PDE6C: variants seen among roughly 807,000 people sequenced by gnomAD.
The protein encoded by PDE6C is phosphodiesterase 6C.
In PDE6C, 75 loss-of-function variants were observed where a neutral mutation model predicts 113.1. That is an observed-to-expected ratio of 0.66 (90% CI 0.55 to 0.80). PDE6C has a LOEUF of 0.80. PDE6C is among the 30% of genes least tolerant of loss of function. The probability of loss-of-function intolerance (pLI) is 0.00; values close to 1 mark genes in which losing one functional copy is unlikely to be tolerated. For synonymous variants in PDE6C, 375 were observed against 363.7 expected, an observed-to-expected ratio of 1.03 and a Z score of -0.35; for missense variants, 912 against 1,038.6, an observed-to-expected ratio of 0.88 and a Z score of 1.67.
intron 4 of PDE6C, among the ~76,000 whole-genome samples, chr10:93,622,639 G>GTTTTTTTTTGTTTTTTTTTTTTTTTTTT (rs2058452335): frequency 8.8e-6 from 1 of 113,992 alleles, no homozygotes; most frequent in African/African-American, 3.7e-5. Flanking sequence ...GTAGCCACAG[G>GTTTTTTTTTGTTTTTTTTTTTTTTTTTT]TTTTTTTTTT....
intron 18 of PDE6C, among the ~76,000 whole-genome samples, chr10:93,659,641 T>C (rs2058656903): frequency 6.6e-6 from 1 of 152,164 alleles, no homozygotes; most frequent in Non-Finnish European, 1.5e-5. Flanking sequence ...CTCCCCTTTA[T>C]AAAACCATCA....
At chr10:93,636,395 T>TGTGTG (rs1554890077) in intron 10 of PDE6C, among the ~76,000 whole-genome samples, 94 of 148,638 alleles carry the variant, frequency 6.3e-4, no homozygotes, top group African/African-American at 2.3e-3. Context: ...TGTGTGTGTG[T>TGTGTG]GTGTGTGTGT....
intron 15 of PDE6C, among the ~76,000 whole-genome samples, chr10:93,654,363 G>C (rs1189526647): frequency 6.6e-6 from 1 of 152,224 alleles, no homozygotes; most frequent in Non-Finnish European, 1.5e-5. Flanking sequence ...CTGGAACCAT[G>C]CTGCACTGGC....
intron 7 of PDE6C, among the ~76,000 whole-genome samples, 167 bp downstream of exon 7, chr10:93,627,038 G>A (rs189934266): frequency 9.2e-5 from 14 of 152,160 alleles, no homozygotes; most frequent in African/African-American, 3.1e-4. Context: ...TGAGGCGGGC[G>A]AATCATCTGA....
chr10:93,629,854 A>G (rs1421912880), intron 8 of PDE6C, among the ~76,000 whole-genome samples: 3 of 152,104 alleles, frequency 2.0e-5, no homozygotes, highest in Non-Finnish European at 2.9e-5. Context: ...GTTTCACCCG[A>G]GTACCCACTG....
intron 9 of PDE6C, among the ~76,000 whole-genome samples, chr10:93,635,111 T>A (rs1041243152): frequency 6.6e-6 from 1 of 152,232 alleles, no homozygotes; most frequent in African/African-American, 2.4e-5. Flanking sequence ...TATAAAATTT[T>A]AGCTTAACCA....
intron 18 of PDE6C, 81 bp downstream of exon 18, chr10:93,659,248 A>C: frequency 1.4e-4 from 128 of 937,336 alleles, no homozygotes; most frequent in Non-Finnish European, 2.1e-4. Flanking sequence ...TAAAGATCTC[A>C]GGCAACCTCA....
chr10:93,635,573 A>T lies in PDE6C; in HGVS notation c.1346A>T (p.Lys449Met), dbSNP rs752525221. ...YDKMNKLENR[K>M]DIAQEMLMNQ... ...AAGATGAATAAGCTAGAAAACAGAA[A>T]GGACATTGCTCAGGAAATGCTCATG... Residue 449 changes from lysine (K) to methionine (M), a missense_variant, in exon 10 of 22, where the codon AAG becomes ATG. By Grantham distance (95) the Lys-to-Met change is moderately conservative (BLOSUM62 -1). Coordinates refer to ENST00000371447, the MANE Select transcript of PDE6C (RefSeq NM_006204.4). 1 of 1,613,818 alleles carries T rather than the reference A, an allele frequency of 6.2e-7. No homozygotes were observed. Among genetic ancestry groups the T allele is most frequent in the East Asian group, 2.2e-5 (1 of 44,880 alleles).
intron 14 of PDE6C, among the ~76,000 whole-genome samples, chr10:93,641,455 C>T (rs889997374): frequency 6.6e-6 from 1 of 151,986 alleles, no homozygotes; most frequent in East Asian, 1.9e-4. Context: ...CATGGTGAAA[C>T]CCTGTCTCTA....
At chr10:93,641,080 T>TGG (rs747309773) in intron 14 of PDE6C, 51 bp downstream of exon 14, 5 of 1,118,770 alleles carry the variant, frequency 4.5e-6, no homozygotes, top group Non-Finnish European at 6.9e-6. Context: ...CATTGGAAAG[T>TGG]ACTTAGGGTG....
At chr10:93,623,064 G>A (rs541621449) in intron 4 of PDE6C, among the ~76,000 whole-genome samples, 82 of 152,282 alleles carry the variant, frequency 5.4e-4, no homozygotes, top group Non-Finnish European at 1.0e-3. Context: ...CTTCCAAAGT[G>A]ACTTTACTGT....
intron 4 of PDE6C, 150 bp downstream of exon 4, chr10:93,622,222 C>G: frequency 1.2e-6 from 1 of 825,696 alleles, no homozygotes; most frequent in African/African-American, 1.7e-5. Flanking sequence ...TGTCTTGGAG[C>G]AAAAAAGATG....
At chr10:93,645,867 G>A (rs2058581598) in intron 14 of PDE6C, 93 bp from the exon 15 acceptor site, 3 of 754,622 alleles carry the variant, frequency 4.0e-6, no homozygotes, top group African/African-American at 1.7e-5. Context: ...GAGTGAGGAG[G>A]GAGAAGAGAG....
intron 8 of PDE6C, among the ~76,000 whole-genome samples, chr10:93,630,259 C>G (rs3824752): frequency 0.36 from 54,167 of 151,676 alleles, 9,813 homozygotes; most frequent in East Asian, 0.46. Context: ...TGCTACTCTA[C>G]CTGACCCACT....
In PDE6C at chr10:93,613,332, A is replaced by G. The variant is rs1251255222; in HGVS notation, c.480+127A>G. On this transcript the variant is annotated intron_variant, in intron 1 of 21. Transcript: ENST00000371447. Reference sequence around the variant, plus strand: ...AACCGGGGGAATGTGGGTGGCAGGGAAGAGGATCACCCAGGCCTAGTGTTG... The same window carrying G: ...AACCGGGGGAATGTGGGTGGCAGGGGAGAGGATCACCCAGGCCTAGTGTTG... 4 of 1,335,454 alleles carry G rather than the reference A, an allele frequency of 3.0e-6. No individual in the cohort carries two copies. In the African/African-American group the frequency reaches 5.8e-5, roughly 19 times the overall value. The allele number at this position is 1,335,454 out of a possible 1,614,324, so 82.7% of individuals were successfully genotyped here. A position where few individuals can be genotyped will look rare whatever the true frequency, so the allele number is the denominator to read the frequency against.
chr10:93,621,480 G>A (rs898447990), intron 3 of PDE6C, among the ~76,000 whole-genome samples: 1 of 152,204 alleles, frequency 6.6e-6, no homozygotes, highest in Admixed American at 6.5e-5. Flanking sequence ...CAATGCACGA[G>A]TAGAGGTTGA....
rs569477807 is a variant in PDE6C at position 93,631,954 on chromosome 10, A to G, written c.1119+2649A>G. On this transcript the variant is annotated intron_variant, in intron 8 of 21. Transcript: ENST00000371447. ...TCACAGTTCTGGAGGTCAGAATTCC[A>G]AAATGAGTCTTCTTGGGCTAAAATC... Among the ~76,000 whole-genome samples, 5 of 152,378 alleles carry G rather than the reference A, an allele frequency of 3.3e-5. No homozygotes were observed. In the East Asian group the frequency reaches 9.6e-4, roughly 29 times the overall value.
chr10:93,633,811 G>T (rs2058514722), intron 8 of PDE6C, among the ~76,000 whole-genome samples: 1 of 152,210 alleles, frequency 6.6e-6, no homozygotes, highest in African/African-American at 2.4e-5. Context: ...GATAGAAAAA[G>T]TGTAAAGGGA....
intron 11 of PDE6C, among the ~76,000 whole-genome samples, chr10:93,639,334 C>T (rs1302777521): frequency 6.6e-6 from 1 of 152,194 alleles, no homozygotes; most frequent in Non-Finnish European, 1.5e-5. Flanking sequence ...TTTATAGCCA[C>T]TTTAATAAGT....
Sources: gnomAD v4.1 joint callset for allele counts (sites outside exome capture counted in the v4.1 genomes callset) on GRCh38, gnomAD v4.1.1 for gene constraint, MANE v1.5 for transcripts, NCBI Gene and HGNC (gene_info 2026-07-23, HGNC 2026-07-21) for gene names.